The following TTN variants were observed in gnomAD, a reference collection of about 807,000 sequenced individuals.
TTN encodes connectin.
TTN carries 1,525 observed loss-of-function variants against 3,223.0 expected under a neutral mutation model. That is an observed-to-expected ratio of 0.47 (90% CI 0.45 to 0.49). The LOEUF (loss-of-function observed/expected upper bound fraction) is 0.49, where lower values mean the gene tolerates loss of function less well. TTN is among the 20% of genes least tolerant of loss of function. TTN has a pLI of 0.00. For synonymous variants in TTN, 14,094 were observed against 15,161.0 expected (o/e 0.93, Z 5.17); for missense variants, 40,786 against 43,424.0 (o/e 0.94, Z 5.40).
In TTN at chr2:178,535,216, C is replaced by T. The variant is rs751605118; in HGVS notation, c.101399G>A (p.Arg33800Lys). The T allele has an allele frequency of 1.9e-6, 3 of 1,613,890 alleles. No individual in the cohort carries two copies. Among genetic ancestry groups the T allele is most frequent in the South Asian group, 1.1e-5 (1 of 91,076 alleles). The change falls in exon 358 of 363, where the codon AGG becomes AAG. Residue 33800 changes from arginine to lysine, a missense_variant. Transcript: ENST00000589042. ...AGATGCTTTAGTCATGGAGACTTCCCTGGTTTCATCTACCTCTTCATCATA... is the reference window on the plus strand; with the variant it reads ...AGATGCTTTAGTCATGGAGACTTCCTTGGTTTCATCTACCTCTTCATCATA... ...MNYDEEVDET[R>K]EVSMTKASHS... is the part of the protein sequence containing the mutation.
chr2:178,701,960 A>G, intron 109 of TTN, 80 bp downstream of exon 109: 1 of 1,362,210 alleles, frequency 7.3e-7, no homozygotes, highest in Non-Finnish European at 1.0e-6. Context: ...TATCTTATAC[A>G]TTTTAGTTTG....
Position 178,581,635 on chromosome 2 carries a change from A to G in TTN, c.66633T>C (p.Asn22211=), listed in dbSNP as rs2047766752. Residue 22211 remains asparagine, a synonymous_variant, in exon 316 of 363, where the codon AAT becomes AAC. Coordinates refer to ENST00000589042, the MANE Select transcript of TTN (RefSeq NM_001267550.2). The stretch of plus-strand genomic sequence containing the variant: ...TAACCTCAAAGCGGGTTTTCTGTAG[A>G]TTCTGTGGTAAGTTGCACCTCACCC... The part of the protein sequence containing the change: ...DNWVRCNLPQ[N]LQKTRFEVTG... 3 of 1,612,710 alleles carry G rather than the reference A, an allele frequency of 1.9e-6. No individual in the cohort carries two copies. The highest frequency in any genetic ancestry group is 1.3e-5 in the African/African-American group (1 of 74,860).
Position 178,713,921 on chromosome 2 carries a change from A to C in TTN, c.26737T>G (p.Cys8913Gly), listed in dbSNP as rs775565721. 10 of 1,613,596 alleles carry C rather than the reference A, an allele frequency of 6.2e-6. No individual in the cohort carries two copies. In the South Asian group the frequency reaches 8.8e-5, roughly 14 times the overall value. ...CCTGAAACCTGCAATGAAGCTGTGC[A>C]GCTGTCTTTGCCAACAGGGTTCTGC... is the stretch of plus-strand genomic sequence containing the variant. ...EVQNPVGKDS[C>G]TASLQVSDRT... Residue 8913 changes from cysteine (C) to glycine (G), a missense_variant, in exon 92 of 363, where the codon TGC becomes GGC. Coordinates refer to ENST00000589042, the MANE Select transcript of TTN (RefSeq NM_001267550.2).
At position 178,684,403 on chromosome 2, in the gene TTN, C is replaced by A; in HGVS notation, c.32649G>T (p.Arg10883Ser). ...EEPLPAKVTERHMQITQEEKV... is the reference protein window; with the variant it reads ...EEPLPAKVTESHMQITQEEKV... ...TTTCTTCCTGGGTAATTTGCATGTG[C>A]CTCTCAGTCACTTAAAAGATAATTT... The change falls in exon 132 of 363, where the codon AGG becomes AGT. Residue 10883 changes from arginine to serine, a missense_variant. Coordinates refer to ENST00000589042, the MANE Select transcript of TTN (RefSeq NM_001267550.2). 6.2e-7 allele frequency: 1 copy of A among 1,613,410 alleles called. No individual in the cohort carries two copies. Among genetic ancestry groups the A allele is most frequent in the Non-Finnish European group, 8.5e-7 (1 of 1,179,580 alleles).
At chr2:178,695,239 G>T in intron 115 of TTN, 109 bp downstream of exon 115, 1 of 741,552 alleles carries the variant, frequency 1.3e-6, no homozygotes, top group Non-Finnish European at 2.2e-6. Context: ...AAAGCTTAGA[G>T]AAGAAGTTGT....
In TTN at chr2:178,764,548, ATGT is replaced by A; in HGVS notation, c.9964_9966del (p.Thr3322del). On this transcript the variant is annotated inframe_deletion, in exon 42 of 363. Transcript: ENST00000589042. ...CTACCTTCCACTGAGAGTGAAGCTG[ATGT>A]TGTGGCAACACCATAGTCATTCTTG... The A allele has an allele frequency of 6.2e-7, 1 of 1,614,110 alleles. No individual in the cohort carries two copies.
chr2:178,626,058 C>T (rs36113194), intron 240 of TTN, among the ~76,000 whole-genome samples: 54,384 of 151,544 alleles, frequency 0.36, 11,681 homozygotes, highest in East Asian at 0.7. Flanking sequence ...GGCTTATATA[C>T]ATATAAAGGA....
At chr2:178,630,474 G>GAAA (rs759049133) in intron 238 of TTN, 107 bp from the exon 239 acceptor site, 21 of 1,348,162 alleles carry the variant, frequency 1.6e-5, no homozygotes, top group Non-Finnish European at 1.9e-5. Flanking sequence ...AAATGGTGAT[G>GAAA]AAACTTTATA....
rs1248570950 is a variant in TTN, at chr2:178,611,810, T to C, written c.50499A>G (p.Gly16833=). 1 of 1,612,944 alleles carries C rather than the reference T, an allele frequency of 6.2e-7. No individual in the cohort carries two copies. The highest frequency in any genetic ancestry group is 8.5e-7 in the Non-Finnish European group (1 of 1,179,294). ...CTGTGGGTTCACTTGGGTGGCCAAC[T>C]CCAGCTTCATTTTCAGCCCGAACCT... ...QFQVRAENEA[G]VGHPSEPTEI... The change falls in exon 268 of 363, where the codon GGA becomes GGG. Residue 16833 remains glycine, a synonymous_variant. Coordinates refer to ENST00000589042, the MANE Select transcript of TTN (RefSeq NM_001267550.2).
chr2:178,579,439 G>A (rs148740174), intron 319 of TTN, 46 bp from the exon 320 acceptor site: 45 of 1,559,218 alleles, frequency 2.9e-5, no homozygotes, highest in South Asian at 2.0e-4. Flanking sequence ...AAGGCCAGGC[G>A]ATTAACTTTT....
At chr2:178,701,994 G>GC (rs2075084053) in intron 109 of TTN, 46 bp downstream of exon 109, 1 of 1,587,200 alleles carries the variant, frequency 6.3e-7, no homozygotes, top group Non-Finnish European at 8.6e-7. Context: ...ACAAAATTAT[G>GC]CCAAATTTAT....
At position 178,709,832 on chromosome 2, in the gene TTN, G is replaced by T; in HGVS notation, c.28487C>A (p.Thr9496Asn). The change falls in exon 99 of 363, where the codon ACT (threonine) becomes AAT (asparagine). Residue 9496 changes from threonine (T) to asparagine (N), a missense_variant. Transcript: ENST00000589042. The part of the protein sequence containing the change: ...IKERLIPPSF[T>N]KRLSETVEET... ...TTCTACTGTCTCTGAGAGTCTTTTA[G>T]TGAAACTTGGTGGGATGAGCCGCTC... 1 of 1,612,174 alleles carries T rather than the reference G, an allele frequency of 6.2e-7. No homozygotes were observed. The highest frequency in any genetic ancestry group is 8.5e-7 in the Non-Finnish European group (1 of 1,179,004).
chr2:178,777,212 T>C lies in TTN; in HGVS notation c.4751A>G (p.Asn1584Ser), dbSNP rs2092326509. The C allele has an allele frequency of 2.5e-6, 4 of 1,613,994 alleles. No individual in the cohort carries two copies. Among genetic ancestry groups the C allele is most frequent in the Non-Finnish European group, 2.5e-6 (3 of 1,179,982 alleles). The change falls in exon 27 of 363, where the codon AAC becomes AGC. Residue 1584 changes from asparagine to serine, a missense_variant. Coordinates refer to ENST00000589042, the MANE Select transcript of TTN (RefSeq NM_001267550.2). ...GTTTTTCAACCATACAATGTCAGGG[T>C]TGGGGTTACCCGTAGCTCTGACTTT... is the stretch of plus-strand genomic sequence containing the variant. ...EMKVRATGNP[N>S]PDIVWLKNSD...
At position 178,609,758 on chromosome 2, in the gene TTN, A is replaced by T; in HGVS notation, c.51665T>A (p.Val17222Glu). The change falls in exon 272 of 363, where the codon GTG (valine) becomes GAG (glutamate). Residue 17222 changes from valine to glutamate, a missense_variant. Val to Glu is a moderately radical substitution (Grantham distance 121, BLOSUM62 -2). Transcript: ENST00000589042. ...LEEGKEYQFRVRAENAAGISE... is the reference protein window; with the variant it reads ...LEEGKEYQFRERAENAAGISE... The stretch of plus-strand genomic sequence containing the variant: ...AATACCCGCGGCGTTCTCTGCTCGC[A>T]CACGGAATTGGTACTCTTTCCCCTC... 2 of 1,612,736 alleles carry T rather than the reference A, an allele frequency of 1.2e-6. No homozygotes were observed.
At position 178,634,170 on chromosome 2, in the gene TTN, A is replaced by G. The variant is rs1162674592; in HGVS notation, c.42416-87T>C. 5.2e-6 allele frequency: 8 copies of G among 1,543,834 alleles called. No individual in the cohort carries two copies. In the East Asian group the frequency reaches 1.8e-4, roughly 35 times the overall value. On this transcript the variant is annotated intron_variant, in intron 230 of 362. Transcript: ENST00000589042. This position sits in a 1 kb window ranked among gnomAD's most constrained non-coding sequence, Gnocchi z 4.6. ...TAATCTGCCTGAGTAAAAGGGACCC[A>G]TTTCACATGGCACTTATTTATTCAT...
In TTN at chr2:178,689,464, A is replaced by T. The variant is rs1039322575; in HGVS notation, c.31927+51T>A. On this transcript the variant is annotated intron_variant, in intron 123 of 362. Coordinates refer to ENST00000589042, the MANE Select transcript of TTN (RefSeq NM_001267550.2). ...GGCAATTAAAGAAGACATGCAATTA[A>T]AGAGGCTTGAAGGAAAGACAAGGTT... 3.1e-6 allele frequency: 5 copies of T among 1,600,896 alleles called. No individual in the cohort carries two copies. The African/African-American group carries it at 6.7e-5, about 21-fold the overall frequency.
rs878931921 is a variant in TTN, at chr2:178,776,165, A to C, written c.5699T>G (p.Val1900Gly). ...RYDGIHYLDI[V>G]DCKSYDTGEV... ...ACCTGTGTCATATGATTTGCAGTCCACGATGTCCAGGTAATGGATACCATC... is the reference window on the plus strand; with the variant it reads ...ACCTGTGTCATATGATTTGCAGTCCCCGATGTCCAGGTAATGGATACCATC... Residue 1900 changes from valine to glycine, a missense_variant, in exon 28 of 363, where the codon GTG becomes GGG. Transcript: ENST00000589042. 1 of 1,614,146 alleles carries C rather than the reference A, an allele frequency of 6.2e-7. No homozygotes were observed. The highest frequency in any genetic ancestry group is 1.3e-5 in the African/African-American group (1 of 75,046).
At chr2:178,727,001 TA>T (rs2079451694) in intron 69 of TTN, 88 bp downstream of exon 69, 1 of 1,244,770 alleles carries the variant, frequency 8.0e-7, no homozygotes, top group Middle Eastern at 2.1e-4. Flanking sequence ...AAATGGAAAC[TA>T]AAATGATAGT....
intron 168 of TTN, 55 bp from the exon 169 acceptor site, chr2:178,664,153 T>C: frequency 6.7e-7 from 1 of 1,495,524 alleles, no homozygotes; most frequent in South Asian, 1.2e-5. Context: ...ACTAGATAGA[T>C]ACAAAGACAT....
Sources: allele counts gnomAD v4.1 joint callset (sites outside exome capture counted in the v4.1 genomes callset), GRCh38; gene constraint gnomAD v4.1.1; non-coding constraint Gnocchi (gnomAD v3.1); transcripts MANE v1.5; gene names NCBI Gene and HGNC (gene_info 2026-07-23, HGNC 2026-07-21).